Variants in GBP4 observed in about 807,000 individuals in gnomAD.
GBP4 encodes guanylate-binding protein 4.
GBP4 carries 69 observed loss-of-function variants against 62.2 expected under a neutral mutation model. That is an observed-to-expected ratio of 1.11 (90% CI 0.91 to 1.36). The LOEUF (loss-of-function observed/expected upper bound fraction) is 1.36. Among genes scored for constraint, GBP4 ranks in the 40% most tolerant of loss-of-function variants. The probability of loss-of-function intolerance (pLI) is 0.00; values close to 1 mark genes in which losing one functional copy is unlikely to be tolerated. For missense variants in GBP4, 697 were observed against 759.3 expected (o/e 0.92, Z 0.96); for synonymous variants, 278 against 274.6 (o/e 1.01, Z -0.12).
rs1391623798 is a variant in GBP4 at position 89,183,597 on chromosome 1, T to C, written c.*1657A>G. ...GCTTCTGCACATCAAAAGAAACTAT[T>C]GGCCAGATGTGGTGGCTCATGCCTA... On this transcript the variant is annotated 3_prime_UTR_variant, in exon 11 of 11. Transcript: ENST00000355754. The C allele has an allele frequency of 6.6e-6, 1 of 152,130 alleles. No homozygotes were observed. The highest frequency in any genetic ancestry group is 1.5e-5 in the Non-Finnish European group (1 of 67,986). 9.4% of individuals were successfully genotyped at this position (152,130 alleles called of 1,614,324 possible).
intron 4 of GBP4, 36 bp downstream of exon 4, chr1:89,193,267 C>G: frequency 6.3e-7 from 1 of 1,594,652 alleles, no homozygotes; most frequent in Non-Finnish European, 8.6e-7. Context: ...TCCCCTAAAC[C>G]CCATAAAACC....
chr1:89,191,112 A>G, intron 6 of GBP4, 149 bp downstream of exon 6: 1 of 958,004 alleles, frequency 1.0e-6, no homozygotes, highest in East Asian at 2.5e-5. Flanking sequence ...TTTAATTAAG[A>G]AACATTCATT....
At chr1:89,197,086 C>A in intron 2 of GBP4, 24 bp downstream of exon 2, 1 of 1,580,658 alleles carries the variant, frequency 6.3e-7, no homozygotes. Flanking sequence ...AAGTAAATGG[C>A]TCCTGTCCTA....
chr1:89,193,070 C>T lies in GBP4; in HGVS notation c.504G>A (p.Arg168=), dbSNP rs1557475601. Residue 168 remains arginine, a synonymous_variant, in exon 5 of 11, where the codon AGG becomes AGA. Transcript: ENST00000355754. ...CATCAGGTCTGGGGCAGGATTTTGC[C>T]CTGATTAGCTCTGCTAGCTCAGTCA... The part of the protein sequence containing the change: ...HYVTELAELI[R]AKSCPRPDEA... The T allele has an allele frequency of 1.2e-6, 2 of 1,614,100 alleles. No individual in the cohort carries two copies. Among genetic ancestry groups the T allele is most frequent in the Non-Finnish European group, 1.7e-6 (2 of 1,179,992 alleles).
At chr1:89,190,372 AGTTT>A in intron 6 of GBP4, 54 bp from the exon 7 acceptor site, 1 of 1,444,310 alleles carries the variant, frequency 6.9e-7, no homozygotes. Context: ...TATTTATACA[AGTTT>A]TAAGAGTCAG....
In GBP4 at chr1:89,186,126, C is replaced by T. The variant is rs368569995; in HGVS notation, c.1707+207G>A. On this transcript the variant is annotated intron_variant, in intron 10 of 10. Coordinates refer to ENST00000355754, the MANE Select transcript of GBP4 (RefSeq NM_052941.5). Reference sequence around the variant, plus strand: ...GGGACCCTGGGAGATGTCATGTGTACTCTCCAAAGTCTAACAAGAAGAAGA... The same window carrying T: ...GGGACCCTGGGAGATGTCATGTGTATTCTCCAAAGTCTAACAAGAAGAAGA... 3.6e-4 allele frequency among the ~76,000 whole-genome samples: 55 copies of T among 152,328 alleles called. 6 individuals carry two copies. Among genetic ancestry groups the T allele is most frequent in the Admixed American group, 9.1e-4 (14 of 15,302 alleles).
chr1:89,186,241 G>T, intron 10 of GBP4, 92 bp downstream of exon 10: 1 of 944,752 alleles, frequency 1.1e-6, no homozygotes, highest in Non-Finnish European at 1.6e-6. Flanking sequence ...TTTCCTTCTG[G>T]AATCATGACT....
In GBP4 at chr1:89,181,593, T is replaced by C. The variant is rs911156669; in HGVS notation, c.*3661A>G. On this transcript the variant is annotated 3_prime_UTR_variant, in exon 11 of 11. Coordinates refer to ENST00000355754, the MANE Select transcript of GBP4 (RefSeq NM_052941.5). ...AAACATATACATTTATATTTATATGTACTATATAAATACCCAATAGTAGAA... is the reference window on the plus strand; with the variant it reads ...AAACATATACATTTATATTTATATGCACTATATAAATACCCAATAGTAGAA... 6.6e-6 allele frequency: 1 copy of C among 152,086 alleles called. No homozygotes were observed. Among genetic ancestry groups the C allele is most frequent in the African/African-American group, 2.4e-5 (1 of 41,414 alleles). The allele number at this position is 152,086 out of a possible 1,614,324, so 9.4% of individuals were successfully genotyped here. A position where few individuals can be genotyped will look rare whatever the true frequency, so the allele number is the denominator to read the frequency against.
rs767602708 is a variant in GBP4 at position 89,191,260 on chromosome 1, C to T, written c.916+1G>A. 1.6e-5 allele frequency: 26 copies of T among 1,610,880 alleles called. No individual in the cohort carries two copies. Among genetic ancestry groups the T allele is most frequent in the South Asian group, 2.2e-5 (2 of 91,034 alleles). ...ATGCTTTGGGACAAAAAAAGACTCA[C>T]GCTTTCCAGTGACAATGATTCCCTC... On this transcript the variant is annotated splice_donor_variant, in intron 6 of 10. Coordinates refer to ENST00000355754, the MANE Select transcript of GBP4 (RefSeq NM_052941.5). LOFTEE classifies it high-confidence loss of function.
Position 89,184,121 on chromosome 1 carries a change from C to G in GBP4, c.*1133G>C, listed in dbSNP as rs767834766. Reference sequence around the variant, plus strand: ...TAAAAAGCATATAAAAATCACTCATCATCACTAATCACTACAGAAATGCAT... The same window carrying G: ...TAAAAAGCATATAAAAATCACTCATGATCACTAATCACTACAGAAATGCAT... On this transcript the variant is annotated 3_prime_UTR_variant, in exon 11 of 11. Transcript: ENST00000355754. 3.3e-5 allele frequency: 5 copies of G among 152,180 alleles called. No individual in the cohort carries two copies. The highest frequency in any genetic ancestry group is 1.2e-4 in the African/African-American group (5 of 41,442). 9.4% of individuals were successfully genotyped at this position (152,180 alleles called of 1,614,324 possible). A position where few individuals can be genotyped will look rare whatever the true frequency, so the allele number is the denominator to read the frequency against.
intron 5 of GBP4, 38 bp downstream of exon 5, chr1:89,192,866 C>G (rs762391173): frequency 6.3e-7 from 1 of 1,594,666 alleles, no homozygotes; most frequent in Non-Finnish European, 8.6e-7. Context: ...ATCCTACCCC[C>G]CACTGAACCT....
At chr1:89,192,565 C>A (rs960698048) in intron 5 of GBP4, among the ~76,000 whole-genome samples, 8 of 152,172 alleles carry the variant, frequency 5.3e-5, no homozygotes, top group African/African-American at 1.4e-4. Flanking sequence ...ATAGGAGGAG[C>A]ATTTGAAGCT....
intron 7 of GBP4, 50 bp downstream of exon 7, chr1:89,189,988 T>C (rs371383412): frequency 3.2e-6 from 5 of 1,539,016 alleles, no homozygotes; most frequent in African/African-American, 2.7e-5. Context: ...CTACACTTTA[T>C]GCATCATTTC....
rs1441324244 is a variant in GBP4 at position 89,191,485 on chromosome 1, T to C, written c.692A>G (p.Asn231Ser). 4 of 1,612,982 alleles carry C rather than the reference T, an allele frequency of 2.5e-6. No individual in the cohort carries two copies. In the South Asian group the frequency reaches 4.4e-5, roughly 18 times the overall value. ...LIPGKNPKIQ[N>S]SNMPRECIRH... Reference sequence around the variant, plus strand: ...GATACACTCTCTAGGCATGTTTGAATTTTGAATTTTGGGATTCTTGCCTGT... The same window carrying C: ...GATACACTCTCTAGGCATGTTTGAACTTTGAATTTTGGGATTCTTGCCTGT... The change falls in exon 6 of 11, where the codon AAT becomes AGT. Residue 231 changes from asparagine (N) to serine (S), a missense_variant. By Grantham distance (46) the Asn-to-Ser change is conservative. Transcript: ENST00000355754.
chr1:89,186,858 G>T, intron 9 of GBP4, 142 bp downstream of exon 9: 1 of 729,924 alleles, frequency 1.4e-6, no homozygotes, highest in Non-Finnish European at 2.3e-6. Flanking sequence ...TGTACATTTG[G>T]TATCCAGAAC....
At position 89,190,388 on chromosome 1, in the gene GBP4, A is replaced by T. The variant is rs948392838; in HGVS notation, c.917-70T>A. ...ATTTATACAAGTTTTAAGAGTCAGCATTCTAAAAATTACAAAAATTCTAAT... is the reference window on the plus strand; with the variant it reads ...ATTTATACAAGTTTTAAGAGTCAGCTTTCTAAAAATTACAAAAATTCTAAT... On this transcript the variant is annotated intron_variant, in intron 6 of 10. Coordinates refer to ENST00000355754, the MANE Select transcript of GBP4 (RefSeq NM_052941.5). 10 of 1,366,236 alleles carry T rather than the reference A, an allele frequency of 7.3e-6. No individual in the cohort carries two copies. In the African/African-American group the frequency reaches 1.3e-4, roughly 18 times the overall value. 84.6% of individuals were successfully genotyped at this position (1,366,236 alleles called of 1,614,324 possible).
rs369769752 is a variant in GBP4 at position 89,197,173 on chromosome 1, T to C, written c.172A>G (p.Ile58Val). The change falls in exon 2 of 11, where the codon ATT becomes GTT. Residue 58 changes from isoleucine to valine, a missense_variant. Transcript: ENST00000355754. ...TTTCCTGTGCGGTATAGCCCTACAATGGCCACCACCACCACGGGCTGAGAA... is the reference window on the plus strand; with the variant it reads ...TTTCCTGTGCGGTATAGCCCTACAACGGCCACCACCACCACGGGCTGAGAA... ...KISQPVVVVAIVGLYRTGKSY... is the reference protein window; with the variant it reads ...KISQPVVVVAVVGLYRTGKSY... The C allele has an allele frequency of 3.7e-5, 59 of 1,614,070 alleles. 1 individual carries two copies. Among genetic ancestry groups the C allele is most frequent in the Non-Finnish European group, 4.9e-5 (58 of 1,180,026 alleles).
At chr1:89,187,179 A>G in intron 8 of GBP4, 77 bp from the exon 9 acceptor site, 3 of 1,156,970 alleles carry the variant, frequency 2.6e-6, no homozygotes, top group Non-Finnish European at 3.9e-6. Context: ...ATTGTTCAAT[A>G]AAGTCACAAA....
intron 7 of GBP4, among the ~76,000 whole-genome samples, chr1:89,189,790 A>G (rs1648130730): frequency 6.6e-6 from 1 of 152,214 alleles, no homozygotes; most frequent in Non-Finnish European, 1.5e-5. Flanking sequence ...TCTGACCTAC[A>G]TAACTATGAG....
Sources: gnomAD v4.1 joint callset for allele counts (sites outside exome capture counted in the v4.1 genomes callset) on GRCh38, gnomAD v4.1.1 for gene constraint, MANE v1.5 for transcripts, NCBI Gene and HGNC (gene_info 2026-07-23, HGNC 2026-07-21) for gene names.